CNTN5: variants seen among roughly 807,000 people sequenced by gnomAD.
CNTN5 encodes the protein contactin 5.
A neutral mutation model predicts 129.1 loss-of-function variants in CNTN5; 77 were observed. The ratio of observed to expected loss-of-function variants is 0.60; its 90% CI spans 0.50 to 0.72. The LOEUF (loss-of-function observed/expected upper bound fraction) is 0.72. CNTN5 is among the 30% of genes least tolerant of loss of function. The pLI, the probability that CNTN5 is intolerant of heterozygous loss-of-function variation, is 0.00. For missense variants in CNTN5, 1,478 were observed against 1,328.8 expected (o/e 1.11, Z -1.75); for synonymous variants, 509 against 465.6 (o/e 1.09, Z -1.20).
At chr11:99,234,011 G>A (rs1165633651) in intron 1 of CNTN5, among the ~76,000 whole-genome samples, 2 of 152,136 alleles carry the variant, frequency 1.3e-5, no homozygotes, top group Admixed American at 1.3e-4. Flanking sequence ...ACAGCTCAAA[G>A]AGAGGATGTG....
At chr11:99,228,171 A>G (rs771204148) in intron 1 of CNTN5, among the ~76,000 whole-genome samples, 21 of 152,100 alleles carry the variant, frequency 1.4e-4, no homozygotes, top group Non-Finnish European at 2.6e-4. Context: ...ATTTACCTGT[A>G]TGAATATGTG....
chr11:99,144,189 A>C (rs1015105255), intron 1 of CNTN5, among the ~76,000 whole-genome samples: 1 of 152,196 alleles, frequency 6.6e-6, no homozygotes, highest in Non-Finnish European at 1.5e-5. Context: ...AAAACTGGCC[A>C]TCATTTATTC....
intron 4 of CNTN5, among the ~76,000 whole-genome samples, chr11:99,836,767 A>G (rs917525868): frequency 5.9e-5 from 9 of 152,140 alleles, no homozygotes; most frequent in Admixed American, 1.3e-4. Context: ...CAACAGTGTA[A>G]AAGCATTCCT....
At chr11:99,385,593 T>C (rs1454163205) in intron 2 of CNTN5, among the ~76,000 whole-genome samples, 1 of 152,158 alleles carries the variant, frequency 6.6e-6, no homozygotes, top group Non-Finnish European at 1.5e-5. Flanking sequence ...GAGAGAAAAT[T>C]TGTAAGAAAA....
intron 15 of CNTN5, among the ~76,000 whole-genome samples, chr11:100,206,591 T>A (rs79081035): frequency 6.6e-6 from 1 of 152,248 alleles, no homozygotes; most frequent in Non-Finnish European, 1.5e-5. Flanking sequence ...ATAGATAAAA[T>A]AGAAATTATT....
chr11:99,273,195 T>C (rs1565454257), intron 1 of CNTN5, among the ~76,000 whole-genome samples: 1 of 151,786 alleles, frequency 6.6e-6, no homozygotes, highest in Non-Finnish European at 1.5e-5. Flanking sequence ...AAGGGACATA[T>C]GCACCAATTC....
At chr11:99,665,717 C>T (rs549426067) in intron 3 of CNTN5, among the ~76,000 whole-genome samples, 2 of 151,996 alleles carry the variant, frequency 1.3e-5, no homozygotes, top group South Asian at 4.2e-4. Flanking sequence ...CAATTTGTGA[C>T]CTCAAGTGAT....
At chr11:99,840,963 A>G (rs983928576) in intron 4 of CNTN5, among the ~76,000 whole-genome samples, 4 of 152,160 alleles carry the variant, frequency 2.6e-5, no homozygotes, top group Non-Finnish European at 4.4e-5. Flanking sequence ...CAGTAGAAAC[A>G]TCACTGATTA....
intron 8 of CNTN5, among the ~76,000 whole-genome samples, chr11:99,957,279 T>C (rs1950828848): frequency 6.6e-6 from 1 of 152,176 alleles, no homozygotes; most frequent in Non-Finnish European, 1.5e-5. Context: ...AAAAGAACCA[T>C]AATAAATACT....
intron 9 of CNTN5, among the ~76,000 whole-genome samples, chr11:100,050,986 T>C (rs61908068): frequency 0.075 from 11,439 of 152,204 alleles, 534 homozygotes; most frequent in East Asian, 0.19. Context: ...TTTACTATAA[T>C]AGTTGGAGAT....
chr11:99,091,571 A>T (rs1591176444), intron 1 of CNTN5, among the ~76,000 whole-genome samples: 3 of 152,292 alleles, frequency 2.0e-5, no homozygotes, highest in Admixed American at 2.0e-4. Flanking sequence ...AATCATAGTG[A>T]GGCTGCTTTG....
chr11:100,087,805 A>G (rs932241888), intron 13 of CNTN5, among the ~76,000 whole-genome samples: 1 of 151,938 alleles, frequency 6.6e-6, no homozygotes, highest in Non-Finnish European at 1.5e-5. Flanking sequence ...CTACCCATTG[A>G]CCACACAATA....
intron 3 of CNTN5, among the ~76,000 whole-genome samples, chr11:99,582,850 TG>T (rs1261433443): frequency 6.6e-6 from 1 of 152,234 alleles, no homozygotes; most frequent in Non-Finnish European, 1.5e-5. Context: ...TGTCCAGCTT[TG>T]TTCCATTGCT....
At chr11:99,793,007 C>A (rs1565538814) in intron 3 of CNTN5, among the ~76,000 whole-genome samples, 1 of 151,234 alleles carries the variant, frequency 6.6e-6, no homozygotes, top group Admixed American at 6.6e-5. Context: ...TTATTTGGAT[C>A]TTCCCTCTTT....
intron 2 of CNTN5, among the ~76,000 whole-genome samples, chr11:99,359,538 C>T (rs897571247): frequency 2.6e-5 from 4 of 150,970 alleles, no homozygotes; most frequent in Non-Finnish European, 4.4e-5. Flanking sequence ...TGTTAGCTCC[C>T]GAAGTCTTAC....
intron 13 of CNTN5, among the ~76,000 whole-genome samples, chr11:100,082,942 A>T (rs1252420064): frequency 2.0e-5 from 3 of 152,080 alleles, no homozygotes; most frequent in African/African-American, 7.2e-5. Context: ...ATCTCCTTCA[A>T]GTGAGGACCT....
intron 3 of CNTN5, among the ~76,000 whole-genome samples, chr11:99,612,880 G>A (rs1950632745): frequency 1.3e-5 from 2 of 152,186 alleles, no homozygotes; most frequent in Admixed American, 6.5e-5. Context: ...TGACACACCA[G>A]TAGACAGATG....
chr11:99,848,722 A>G (rs1947780520), intron 6 of CNTN5, among the ~76,000 whole-genome samples: 1 of 152,058 alleles, frequency 6.6e-6, no homozygotes, highest in Admixed American at 6.6e-5. Context: ...TACCTTTTAC[A>G]CTTTAATTTT....
intron 9 of CNTN5, among the ~76,000 whole-genome samples, chr11:100,017,808 G>T (rs532815047): frequency 6.7e-6 from 1 of 149,900 alleles, no homozygotes; most frequent in East Asian, 2.0e-4. Flanking sequence ...TGGAAAGAAG[G>T]GTTGAAATAC....
Sources: allele counts gnomAD v4.1 joint callset (sites outside exome capture counted in the v4.1 genomes callset), GRCh38; gene constraint gnomAD v4.1.1; transcripts MANE v1.5; gene names NCBI Gene and HGNC (gene_info 2026-07-23, HGNC 2026-07-21).